Variants in PNPLA7 observed in about 807,000 individuals in gnomAD.
PNPLA7 encodes the protein patatin like domain 7, lysophospholipase.
Under a neutral mutation model 161.7 loss-of-function variants are expected in PNPLA7, and 153 were observed. The ratio of observed to expected loss-of-function variants is 0.95; its 90% confidence interval spans 0.83 to 1.08. The LOEUF (loss-of-function observed/expected upper bound fraction) is 1.08. PNPLA7 is among the 50% of genes least tolerant of loss of function. PNPLA7 has a pLI of 0.00. For missense variants in PNPLA7, 1,739 were observed against 1,856.6 expected (o/e 0.94, Z 1.16); for synonymous variants, 809 against 782.1 (o/e 1.03, Z -0.57).
chr9:137,461,839 CTGGGCGTGGCCTGATGAACTGGGCG>C (rs1245851717), intron 32 of PNPLA7, 67 bp downstream of exon 32: 50 of 1,370,464 alleles, frequency 3.6e-5, no homozygotes, highest in Middle Eastern at 2.6e-4. Context: ...GCCTGAGGAG[CTGGGCGTGGCCTGATGAACTGGGCG>C]TGGGCGTGGC....
intron 20 of PNPLA7, among the ~76,000 whole-genome samples, chr9:137,485,820 C>G (rs1361018562): frequency 6.6e-6 from 1 of 152,220 alleles, no homozygotes; most frequent in East Asian, 1.9e-4. Context: ...CCCTGGGCCC[C>G]ATGTGGGCTG....
At chr9:137,495,292 G>A (rs769011546) in intron 18 of PNPLA7, 146 bp from the exon 19 acceptor site, 191 of 601,250 alleles carry the variant, frequency 3.2e-4, no homozygotes, top group East Asian at 6.5e-4. Flanking sequence ...GAGTGCTGGC[G>A]GGCGACGCTG....
At chr9:137,513,963 G>A (rs1031555452) in intron 12 of PNPLA7, among the ~76,000 whole-genome samples, 11 of 152,276 alleles carry the variant, frequency 7.2e-5, no homozygotes, top group Non-Finnish European at 1.0e-4. Flanking sequence ...ACGGCAGAGG[G>A]GGCAGGTCTG....
chr9:137,463,999 C>T, intron 28 of PNPLA7, 127 bp downstream of exon 28: 2 of 1,072,794 alleles, frequency 1.9e-6, no homozygotes, highest in South Asian at 3.2e-5. Flanking sequence ...CCTCCATGGA[C>T]AAAGCTGCCC....
intron 28 of PNPLA7, 141 bp downstream of exon 28, chr9:137,463,985 G>C (rs1484745177): frequency 5.3e-6 from 5 of 949,810 alleles, no homozygotes; most frequent in Non-Finnish European, 7.7e-6. Context: ...GGGGCATCCT[G>C]TGTCCTCCAT....
At position 137,462,170 on chromosome 9, in the gene PNPLA7, G is replaced by A. The variant is rs373485691; in HGVS notation, c.3645+9C>T. The A allele has an allele frequency of 4.5e-6, 7 of 1,557,480 alleles. No individual in the cohort carries two copies. The highest frequency in any genetic ancestry group is 1.9e-5 in the Admixed American group (1 of 53,576). On this transcript the variant is annotated intron_variant, in intron 31 of 34. Transcript: ENST00000406427. ...CCCGCCTCCGCCGCCGCGGGTGGCC[G>A]GCACTCACGCAGATCTCGTTGAACT... is the stretch of plus-strand genomic sequence containing the variant.
In PNPLA7 at chr9:137,480,359, A is replaced by G. The variant is rs1418883247; in HGVS notation, c.2533T>C (p.Cys845Arg). The change falls in exon 23 of 35, where the codon TGC (cysteine) becomes CGC (arginine). Residue 845 changes from cysteine to arginine, a missense_variant. By Grantham distance (180) the Cys-to-Arg change is radical. Around this residue, in one of 6 missense-constraint regions of PNPLA7, gnomAD observed 192 missense variants for 249.5 expected, o/e 0.77. Coordinates refer to ENST00000406427, the MANE Select transcript of PNPLA7 (RefSeq NM_001098537.3). ...TCACCCAGGCCCACGATGAGGATGC[A>G]GTCGGCCTGGCGCACGCAGCGCTGG... is the stretch of plus-strand genomic sequence containing the variant. ...WTQRCVRQAD[C>R]ILIVGLGDQE... 6.2e-7 allele frequency: 1 copy of G among 1,613,500 alleles called. No homozygotes were observed. The highest frequency in any genetic ancestry group is 1.7e-5 in the Admixed American group (1 of 60,010).
At chr9:137,539,228 A>C (rs1836056101) in intron 8 of PNPLA7, among the ~76,000 whole-genome samples, 1 of 152,174 alleles carries the variant, frequency 6.6e-6, no homozygotes, top group South Asian at 2.1e-4. Flanking sequence ...CTGTAATCCC[A>C]GCCACTCGGG....
intron 14 of PNPLA7, among the ~76,000 whole-genome samples, chr9:137,502,516 C>T (rs571798562): frequency 1.4e-5 from 2 of 147,426 alleles, no homozygotes; most frequent in Admixed American, 6.8e-5. Context: ...AGAATCTGAG[C>T]AGCCACATAT....
chr9:137,462,596 G>A lies in PNPLA7; in HGVS notation c.3492+89C>T, dbSNP rs1298328088. 3.4e-5 allele frequency: 52 copies of A among 1,526,082 alleles called. 1 individual carries two copies. The highest frequency in any genetic ancestry group is 4.6e-5 in the Non-Finnish European group (52 of 1,131,440). The allele number at this position is 1,526,082 out of a possible 1,614,324, so 94.5% of individuals were successfully genotyped here. On this transcript the variant is annotated intron_variant, in intron 30 of 34. Coordinates refer to ENST00000406427, the MANE Select transcript of PNPLA7 (RefSeq NM_001098537.3). ...CAGACCTGCTGGCCTCAGAGCCCAGGAGCGACCCCCACTCCCCTGCCGCAG... is the reference window on the plus strand; with the variant it reads ...CAGACCTGCTGGCCTCAGAGCCCAGAAGCGACCCCCACTCCCCTGCCGCAG...
rs1836304699 is a variant in PNPLA7 at position 137,543,205 on chromosome 9, C to T, written c.506+227G>A. ...CCTTCTTGCTCTTGCCCTGGGTTCA[C>T]CGCTGAAGATGAAACACCGGGAAAT... is the stretch of plus-strand genomic sequence containing the variant. On this transcript the variant is annotated intron_variant, in intron 6 of 34. Transcript: ENST00000406427. This position sits in a 1 kb window ranked among gnomAD's most constrained non-coding sequence, Gnocchi z 6.9. Among the ~76,000 whole-genome samples the T allele has an allele frequency of 6.6e-6, 1 of 152,186 alleles. No individual in the cohort carries two copies. The highest frequency in any genetic ancestry group is 2.4e-5 in the African/African-American group (1 of 41,462).
Position 137,543,256 on chromosome 9 carries a change from G to A in PNPLA7, c.506+176C>T, listed in dbSNP as rs1170111604. Among the ~76,000 whole-genome samples, 1 of 152,180 alleles carries A rather than the reference G, an allele frequency of 6.6e-6. No homozygotes were observed. The highest frequency in any genetic ancestry group is 1.5e-5 in the Non-Finnish European group (1 of 68,048). On this transcript the variant is annotated intron_variant, in intron 6 of 34. Transcript: ENST00000406427. This position sits in a 1 kb window ranked among gnomAD's most constrained non-coding sequence, Gnocchi z 6.9. Reference sequence around the variant, plus strand: ...CGTTCAACAGAACAAGAAAGATCTGGTGAAGGAGCCAGCAGACCACGAGGC... The same window carrying A: ...CGTTCAACAGAACAAGAAAGATCTGATGAAGGAGCCAGCAGACCACGAGGC...
chr9:137,503,508 AAGG>A (rs149709073), intron 14 of PNPLA7, among the ~76,000 whole-genome samples: 1,329 of 38,442 alleles, frequency 0.035, 75 homozygotes, highest in African/African-American at 0.12. Flanking sequence ...GGGGAAGGAG[AAGG>A]AGGAGGAGGA....
chr9:137,497,575 T>C (rs780640110), intron 17 of PNPLA7, among the ~76,000 whole-genome samples: 11 of 152,282 alleles, frequency 7.2e-5, no homozygotes, highest in East Asian at 1.9e-4. Flanking sequence ...TCGCCCAGGC[T>C]GAAGTGCAGT....
chr9:137,500,859 T>G lies in PNPLA7; in HGVS notation c.1589A>C (p.His530Pro). ...SILFVVSGLL[H>P]VYQRKIGSQE... Reference sequence around the variant, plus strand: ...GCTGCCGATCTTCCGCTGGTACACGTGCAGCAGCCCCGAGACCACGAACAG... The same window carrying G: ...GCTGCCGATCTTCCGCTGGTACACGGGCAGCAGCCCCGAGACCACGAACAG... The change falls in exon 16 of 35, where the codon CAC (histidine) becomes CCC (proline). Residue 530 changes from histidine to proline, a missense_variant. His to Pro is a moderately conservative substitution (Grantham distance 77). Around this residue, in one of 6 missense-constraint regions of PNPLA7, gnomAD observed 481 missense variants for 450.0 expected, o/e 1.07. Transcript: ENST00000406427. This position sits in a 1 kb window ranked among gnomAD's most constrained non-coding sequence, Gnocchi z 5.5. 1 of 1,591,084 alleles carries G rather than the reference T, an allele frequency of 6.3e-7. No homozygotes were observed. Among genetic ancestry groups the G allele is most frequent in the Non-Finnish European group, 8.5e-7 (1 of 1,171,350 alleles).
At chr9:137,491,822 G>A in intron 20 of PNPLA7, 1 of 985,430 alleles carries the variant, frequency 1.0e-6, no homozygotes, top group Non-Finnish European at 1.2e-6. Flanking sequence ...GCCAATGCCA[G>A]AGGCAGGTGA....
intron 18 of PNPLA7, among the ~76,000 whole-genome samples, chr9:137,496,324 C>G (rs1337817038): frequency 1.3e-5 from 2 of 149,966 alleles, no homozygotes; most frequent in African/African-American, 4.9e-5. Flanking sequence ...TCAGGCTTGT[C>G]TCGAACTCCC....
chr9:137,464,291 A>G, intron 27 of PNPLA7, 49 bp downstream of exon 27: 1 of 1,604,574 alleles, frequency 6.2e-7, no homozygotes, highest in Non-Finnish European at 8.5e-7. Context: ...GGGGGCCAGG[A>G]GGGGACAGGC....
intron 25 of PNPLA7, among the ~76,000 whole-genome samples, chr9:137,471,177 CAAAA>C (rs1316004918): frequency 6.6e-6 from 1 of 152,124 alleles, no homozygotes; most frequent in Non-Finnish European, 1.5e-5. Flanking sequence ...TCTAGAAAGT[CAAAA>C]AGAATCTACA....
Sources: allele counts gnomAD v4.1 joint callset (sites outside exome capture counted in the v4.1 genomes callset), GRCh38; gene constraint gnomAD v4.1.1; regional missense constraint gnomAD v4.1.1; non-coding constraint Gnocchi (gnomAD v3.1); transcripts MANE v1.5; gene names NCBI Gene and HGNC (gene_info 2026-07-23, HGNC 2026-07-21).